RUFY1: variants seen among roughly 807,000 people sequenced by gnomAD.
The protein encoded by RUFY1 is RUN and FYVE domain-containing protein 1.
RUFY1 carries 54 observed loss-of-function variants against 94.6 expected under a neutral mutation model. The ratio of observed to expected loss-of-function variants is 0.57; its 90% confidence interval spans 0.46 to 0.72. RUFY1 has a LOEUF of 0.72. Ranked by LOEUF, RUFY1 falls within the 30% of genes least tolerant of loss-of-function variation. The probability of loss-of-function intolerance (pLI) is 0.00; values close to 1 mark genes in which losing one functional copy is unlikely to be tolerated. For missense variants in RUFY1, 883 were observed against 883.9 expected (o/e 1.00, Z 0.01); for synonymous variants, 396 against 347.3 (o/e 1.14, Z -1.56).
At chr5:179,598,651 T>C in intron 13 of RUFY1, 41 bp from the exon 14 acceptor site, 1 of 1,610,844 alleles carries the variant, frequency 6.2e-7, no homozygotes, top group Non-Finnish European at 8.5e-7. Context: ...TCCGTGAAAG[T>C]CTCCCACTGA....
At chr5:179,561,828 G>T (rs754672176) in intron 2 of RUFY1, among the ~76,000 whole-genome samples, 8 of 150,418 alleles carry the variant, frequency 5.3e-5, no homozygotes. Context: ...GACTACAGAC[G>T]CCCACCACCA....
chr5:179,556,504 T>C (rs7701576), intron 1 of RUFY1, among the ~76,000 whole-genome samples: 13,908 of 151,738 alleles, frequency 0.092, 828 homozygotes, highest in Middle Eastern at 0.14. Flanking sequence ...TTTCTTGAAT[T>C]GCGTTTTTTT....
At chr5:179,589,405 A>ATT in intron 8 of RUFY1, 141 bp from the exon 9 acceptor site, 1 of 622,718 alleles carries the variant, frequency 1.6e-6, no homozygotes, top group Non-Finnish European at 2.9e-6. Context: ...ACCATGTATT[A>ATT]TTACCTATTG....
At chr5:179,602,061 T>G in intron 15 of RUFY1, 75 bp downstream of exon 15, 3 of 1,226,296 alleles carry the variant, frequency 2.4e-6, no homozygotes, top group Non-Finnish European at 3.6e-6. Context: ...GCCCCAAACC[T>G]ACCTCCTTTT....
intron 7 of RUFY1, among the ~76,000 whole-genome samples, chr5:179,585,046 A>G (rs1163482308): frequency 6.6e-6 from 1 of 151,748 alleles, no homozygotes; most frequent in Non-Finnish European, 1.5e-5. Flanking sequence ...CAGGAGAATC[A>G]CCTGAACCCA....
intron 8 of RUFY1, chr5:179,589,221 A>C: frequency 3.1e-6 from 1 of 318,058 alleles, no homozygotes; most frequent in Non-Finnish European, 6.0e-6. Flanking sequence ...CTATTTCCCT[A>C]ATAGTGAACA....
In RUFY1 at chr5:179,569,705, A is replaced by G. The variant is rs557535036; in HGVS notation, c.828+280A>G. 3.3e-5 allele frequency among the ~76,000 whole-genome samples: 5 copies of G among 152,160 alleles called. No individual in the cohort carries two copies. The East Asian group carries it at 9.7e-4, about 30-fold the overall frequency. On this transcript the variant is annotated intron_variant, in intron 5 of 17. Coordinates refer to ENST00000319449, the MANE Select transcript of RUFY1 (RefSeq NM_025158.5). ...GAGGTGAAAGTGGAGGCTGGGCCTG[A>G]TAGTTAGGCCATTGGTGCTATGCTG...
At chr5:179,580,241 G>GTGTA (rs149099074) in intron 6 of RUFY1, among the ~76,000 whole-genome samples, 8 of 93,850 alleles carry the variant, frequency 8.5e-5, no homozygotes, top group African/African-American at 1.4e-4. Context: ...GTGTGTGTGT[G>GTGTA]TATATTTTTT....
At chr5:179,599,110 A>C (rs1766017219) in intron 14 of RUFY1, among the ~76,000 whole-genome samples, 1 of 152,228 alleles carries the variant, frequency 6.6e-6, no homozygotes, top group Non-Finnish European at 1.5e-5. Flanking sequence ...CGGTGAGCAG[A>C]GGCTCCAGTG....
intron 1 of RUFY1, among the ~76,000 whole-genome samples, chr5:179,551,838 A>G (rs1761870831): frequency 1.9e-5 from 1 of 51,840 alleles, no homozygotes; most frequent in African/African-American, 7.3e-5. Flanking sequence ...TAACTGAATC[A>G]ATTGAAATTC....
intron 1 of RUFY1, among the ~76,000 whole-genome samples, chr5:179,558,572 C>A (rs1383265522): frequency 2.5e-4 from 34 of 137,132 alleles, no homozygotes; most frequent in South Asian, 4.6e-4. Context: ...AACAACATCT[C>A]AAAAAAAAAA....
chr5:179,579,657 C>CTTTTTTTTTTTGTTTTTT, intron 6 of RUFY1, among the ~76,000 whole-genome samples: 1 of 50,550 alleles, frequency 2.0e-5, no homozygotes, highest in Non-Finnish European at 3.8e-5. Context: ...TTTTCTTCTT[C>CTTTTTTTTTTTGTTTTTT]TTTTTTTTTT....
intron 17 of RUFY1, chr5:179,608,758 A>C (rs1767376695): frequency 2.5e-6 from 1 of 406,408 alleles, no homozygotes; most frequent in South Asian, 1.0e-4. Context: ...AAACCCCATC[A>C]TCTCTACTAA....
intron 1 of RUFY1, among the ~76,000 whole-genome samples, chr5:179,553,657 G>A (rs1002954240): frequency 6.6e-6 from 1 of 152,028 alleles, no homozygotes; most frequent in East Asian, 1.9e-4. Flanking sequence ...GGGCTTGGTG[G>A]TACGCACCTG....
At chr5:179,606,210 C>G (rs982669372) in intron 16 of RUFY1, 106 of 498,144 alleles carry the variant, frequency 2.1e-4, no homozygotes, top group Non-Finnish European at 3.5e-4. Flanking sequence ...AAGCAGGTGG[C>G]GGAGAGGAGG....
chr5:179,564,995 G>T (rs1220971750), intron 3 of RUFY1, among the ~76,000 whole-genome samples: 1 of 132,434 alleles, frequency 7.6e-6, no homozygotes, highest in African/African-American at 2.5e-5. Flanking sequence ...AAATTTTTTT[G>T]TAAAAAGAGA....
chr5:179,560,786 G>A (rs1762400764), intron 2 of RUFY1, among the ~76,000 whole-genome samples: 1 of 151,492 alleles, frequency 6.6e-6, no homozygotes, highest in South Asian at 2.1e-4. Context: ...CTTTCTGTGG[G>A]GATAAAACTT....
intron 14 of RUFY1, among the ~76,000 whole-genome samples, chr5:179,600,267 C>G (rs530776203): frequency 6.6e-6 from 1 of 152,218 alleles, no homozygotes; most frequent in Non-Finnish European, 1.5e-5. Flanking sequence ...CGGGCCCGAG[C>G]TCCACCGCTG....
At chr5:179,562,751 T>C (rs887775899) in intron 3 of RUFY1, 87 bp downstream of exon 3, 32 of 762,352 alleles carry the variant, frequency 4.2e-5, no homozygotes, top group Non-Finnish European at 6.7e-5. Flanking sequence ...GATGAAGCCC[T>C]TTCTAATTGG....
Sources: allele counts gnomAD v4.1 joint callset (sites outside exome capture counted in the v4.1 genomes callset), GRCh38; gene constraint gnomAD v4.1.1; transcripts MANE v1.5; gene names NCBI Gene and HGNC (gene_info 2026-07-23, HGNC 2026-07-21).